The following NSUN6 variants were observed in gnomAD, a reference collection of about 807,000 sequenced individuals.
NSUN6 encodes the protein NOP2/Sun RNA methyltransferase 6.
Under a neutral mutation model 58.0 loss-of-function variants are expected in NSUN6, and 64 were observed. The ratio of observed to expected loss-of-function variants is 1.10; its 90% CI spans 0.90 to 1.36. The LOEUF (loss-of-function observed/expected upper bound fraction) is 1.36. Ranked by LOEUF, NSUN6 falls within the 40% of genes most tolerant of loss-of-function variation. The pLI is 0.00. For synonymous variants in NSUN6, 231 were observed against 193.9 expected, an observed-to-expected ratio of 1.19 and a Z score of -1.59; for missense variants, 701 against 550.1, an observed-to-expected ratio of 1.27 and a Z score of -2.74.
Position 18,651,239 on chromosome 10 carries a change from C to T in NSUN6, c.-36G>A. On this transcript the variant is annotated 5_prime_UTR_variant, in exon 1 of 11. Coordinates refer to ENST00000377304, the MANE Select transcript of NSUN6 (RefSeq NM_182543.5). ...GTTTAGTTCTCCACCAAGAGAAATG[C>T]TGGAAAACGGTGTTTTGTTTTTTTT... 1 of 1,512,376 alleles carries T rather than the reference C, an allele frequency of 6.6e-7. No homozygotes were observed. The highest frequency in any genetic ancestry group is 8.8e-7 in the Non-Finnish European group (1 of 1,136,222). 93.7% of individuals were successfully genotyped at this position (1,512,376 alleles called of 1,614,324 possible).
intron 6 of NSUN6, 65 bp from the exon 7 acceptor site, chr10:18,596,392 G>C (rs1375989456): frequency 9.0e-7 from 1 of 1,115,630 alleles, no homozygotes; most frequent in African/African-American, 1.5e-5. Context: ...GAGAACCAGA[G>C]AATATAAAGA....
At position 18,616,272 on chromosome 10, in the gene NSUN6, C is replaced by T; in HGVS notation, c.333G>A (p.Gln111=). 1.2e-6 allele frequency: 2 copies of T among 1,607,922 alleles called. No homozygotes were observed. The highest frequency in any genetic ancestry group is 2.2e-5 in the South Asian group (2 of 90,940). ...ACTGGGCTCCAACAATGGCTTCACA[C>T]TGTTGTTTTTTAATATTCTTTCTAG... ...IGPRKNIKKQ[Q]CEAIVGAQCG... is the part of the protein sequence containing the mutation. Residue 111 remains glutamine (Q), a synonymous_variant, in exon 4 of 11, where the codon CAG becomes CAA. Transcript: ENST00000377304.
chr10:18,600,937 A>T (rs2057781149), intron 6 of NSUN6, among the ~76,000 whole-genome samples: 1 of 33,780 alleles, frequency 3.0e-5, no homozygotes, highest in Non-Finnish European at 6.6e-5. Context: ...CAAAAAAAAA[A>T]AAAAATATAT....
chr10:18,636,764 C>T (rs1461265402), intron 3 of NSUN6, among the ~76,000 whole-genome samples: 4 of 151,684 alleles, frequency 2.6e-5, no homozygotes, highest in Non-Finnish European at 4.4e-5. Flanking sequence ...TGGTGGCACA[C>T]GCCTGTAGTC....
intron 9 of NSUN6, among the ~76,000 whole-genome samples, chr10:18,551,312 A>T (rs2054593040): frequency 6.7e-6 from 1 of 150,038 alleles, no homozygotes; most frequent in Non-Finnish European, 1.5e-5. Context: ...AAATAACATA[A>T]AATTTATCAT....
intron 3 of NSUN6, among the ~76,000 whole-genome samples, chr10:18,619,328 C>T (rs11015180): frequency 0.048 from 7,375 of 152,268 alleles, 275 homozygotes; most frequent in Non-Finnish European, 0.077. Flanking sequence ...CTTACGGCTG[C>T]GCATTCTCAG....
Position 18,636,047 on chromosome 10 carries a change from AT to A in NSUN6, c.311+6428del, listed in dbSNP as rs2131523394. Among the ~76,000 whole-genome samples the A allele has an allele frequency of 2.0e-5, 3 of 151,796 alleles. No homozygotes were observed. The South Asian group carries it at 6.2e-4, about 32-fold the overall frequency. ...ACAATAACATTTGATACCACAGGTT[AT>A]AAAAACAATGTCTACAAAATGCTAA... On this transcript the variant is annotated intron_variant, in intron 3 of 10. Transcript: ENST00000377304.
At chr10:18,628,110 C>A (rs2058890505) in intron 3 of NSUN6, among the ~76,000 whole-genome samples, 1 of 152,190 alleles carries the variant, frequency 6.6e-6, no homozygotes, top group African/African-American at 2.4e-5. Context: ...GACCCCTGAG[C>A]AGCCTAACTG....
chr10:18,595,997 C>CAA (rs2131205530), intron 7 of NSUN6, among the ~76,000 whole-genome samples: 1 of 152,174 alleles, frequency 6.6e-6, no homozygotes, highest in African/African-American at 2.4e-5. Context: ...ATCATATAAG[C>CAA]AAATTGTAAA....
chr10:18,625,378 A>G (rs2058755426), intron 3 of NSUN6, among the ~76,000 whole-genome samples: 1 of 152,100 alleles, frequency 6.6e-6, no homozygotes, highest in African/African-American at 2.4e-5. Flanking sequence ...ATAATGGAAG[A>G]CCTATATAAC....
intron 7 of NSUN6, among the ~76,000 whole-genome samples, chr10:18,586,329 G>C (rs2057138289): frequency 6.6e-6 from 1 of 152,116 alleles, no homozygotes; most frequent in Non-Finnish European, 1.5e-5. Context: ...TGCGATGAGT[G>C]TTACAGTTCT....
intron 9 of NSUN6, among the ~76,000 whole-genome samples, chr10:18,551,293 G>C (rs968661808): frequency 1.9e-5 from 1 of 54,008 alleles, no homozygotes; most frequent in Non-Finnish European, 3.8e-5. Flanking sequence ...TGTGTGTGTG[G>C]TAAAATATAA....
In NSUN6 at chr10:18,609,947, CATT is replaced by C. The variant is rs775023375; in HGVS notation, c.576-24_576-22del. ...TGCCTCTGAAAAATAGGAAATCTAA[CATT>C]AGTCTGTATAAATTCCATGGTCTAT... On this transcript the variant is annotated intron_variant, in intron 5 of 10. Coordinates refer to ENST00000377304, the MANE Select transcript of NSUN6 (RefSeq NM_182543.5). 5.0e-5 allele frequency: 70 copies of C among 1,396,910 alleles called. No homozygotes were observed. The South Asian group carries it at 5.2e-4, about 10-fold the overall frequency. The allele number at this position is 1,396,910 out of a possible 1,614,324, so 86.5% of individuals were successfully genotyped here.
chr10:18,560,293 G>C (rs1277233503), intron 8 of NSUN6, among the ~76,000 whole-genome samples: 2 of 151,256 alleles, frequency 1.3e-5, no homozygotes, highest in Admixed American at 6.6e-5. Flanking sequence ...GTATGGAATG[G>C]AGAATGGAAT....
At chr10:18,610,661 G>C (rs1015328843) in intron 5 of NSUN6, among the ~76,000 whole-genome samples, 5 of 152,116 alleles carry the variant, frequency 3.3e-5, no homozygotes, top group Admixed American at 6.6e-5. Flanking sequence ...GAGCAGGAAG[G>C]GCCAGGACTC....
intron 3 of NSUN6, among the ~76,000 whole-genome samples, chr10:18,637,849 C>T (rs1042774273): frequency 6.6e-6 from 1 of 152,094 alleles, no homozygotes; most frequent in African/African-American, 2.4e-5. Flanking sequence ...TTTAAGTGAA[C>T]ACAAAACAAA....
At chr10:18,596,087 T>C (rs895273650) in intron 7 of NSUN6, 121 bp downstream of exon 7, 2 of 748,124 alleles carry the variant, frequency 2.7e-6, no homozygotes, top group Non-Finnish European at 4.5e-6. Context: ...CATAACTGAA[T>C]AGTTTTCATT....
intron 3 of NSUN6, 106 bp downstream of exon 3, chr10:18,642,370 T>A: frequency 1.5e-6 from 1 of 648,078 alleles, no homozygotes; most frequent in East Asian, 2.6e-5. Context: ...CTATAGAAAG[T>A]TGCTAACAAT....
At chr10:18,593,038 GGAC>G (rs1360273286) in intron 7 of NSUN6, among the ~76,000 whole-genome samples, 1 of 152,078 alleles carries the variant, frequency 6.6e-6, no homozygotes, top group African/African-American at 2.4e-5. Context: ...ATCAAAAAGT[GGAC>G]GAAGGATATG....
Sources: gnomAD v4.1 joint callset for allele counts (sites outside exome capture counted in the v4.1 genomes callset) on GRCh38, gnomAD v4.1.1 for gene constraint, MANE v1.5 for transcripts, NCBI Gene and HGNC (gene_info 2026-07-23, HGNC 2026-07-21) for gene names.